PHACTR1: variants seen among roughly 807,000 people sequenced by gnomAD.
PHACTR1 encodes phosphatase and actin regulator 1, also known as RPEL repeat containing 1.
PHACTR1 carries 16 observed loss-of-function variants against 69.2 expected under a neutral mutation model. The observed-to-expected ratio is 0.23, with a 90% confidence interval of 0.16 to 0.35. The LOEUF is 0.35. Among genes scored for constraint, PHACTR1 ranks in the 10% least tolerant of loss-of-function variants. The pLI, the probability that PHACTR1 is intolerant of heterozygous loss-of-function variation, is 1.00. For missense variants in PHACTR1, 510 were observed against 734.7 expected (o/e 0.69, Z 3.54); for synonymous variants, 312 against 284.5 (o/e 1.10, Z -0.97).
At chr6:13,089,924 C>T (rs1344713093) in intron 5 of PHACTR1, among the ~76,000 whole-genome samples, 1 of 152,174 alleles carries the variant, frequency 6.6e-6, no homozygotes, top group Admixed American at 6.5e-5. Context: ...AATAAATTTC[C>T]TGAAATGAAT....
intron 3 of PHACTR1, among the ~76,000 whole-genome samples, chr6:12,743,158 C>T (rs1302539426): frequency 8.2e-6 from 1 of 122,300 alleles, no homozygotes; most frequent in Non-Finnish European, 1.7e-5. Context: ...TGTTAGTTCA[C>T]AAGAATAAGC....
chr6:13,196,771 A>G (rs910109263), intron 7 of PHACTR1, among the ~76,000 whole-genome samples: 1 of 152,018 alleles, frequency 6.6e-6, no homozygotes, highest in Non-Finnish European at 1.5e-5. Flanking sequence ...AGAACAATAC[A>G]CTGAAACCTA....
At chr6:12,804,436 A>G (rs1774064191) in intron 4 of PHACTR1, among the ~76,000 whole-genome samples, 2 of 152,218 alleles carry the variant, frequency 1.3e-5, no homozygotes. Context: ...GGGCTTAACC[A>G]CCTGAAAAGG....
At chr6:13,216,027 A>G (rs1166408419) in intron 8 of PHACTR1, among the ~76,000 whole-genome samples, 1 of 152,232 alleles carries the variant, frequency 6.6e-6, no homozygotes. Context: ...ATTATTTCTT[A>G]TAATGTCCCC....
chr6:13,015,252 A>G (rs540202171), intron 4 of PHACTR1, among the ~76,000 whole-genome samples: 3 of 152,328 alleles, frequency 2.0e-5, no homozygotes, highest in African/African-American at 7.2e-5. Flanking sequence ...GAGTCCTGCT[A>G]GCGTCATTAT....
At chr6:13,037,546 G>A (rs545690002) in intron 4 of PHACTR1, among the ~76,000 whole-genome samples, 7 of 152,316 alleles carry the variant, frequency 4.6e-5, no homozygotes, top group Admixed American at 2.6e-4. Context: ...CAGGCAGACC[G>A]AATGGCCTTG....
intron 3 of PHACTR1, among the ~76,000 whole-genome samples, chr6:12,732,653 A>G (rs996948794): frequency 6.6e-6 from 1 of 152,032 alleles, no homozygotes; most frequent in East Asian, 1.9e-4. Flanking sequence ...AAAGGACATG[A>G]TATCATTCCT....
intron 5 of PHACTR1, 23 bp from the exon 6 acceptor site, chr6:13,160,181 C>A (rs760089385): frequency 7.5e-6 from 12 of 1,605,562 alleles, no homozygotes; most frequent in Middle Eastern, 3.3e-4. Flanking sequence ...ACATCTGCCT[C>A]CCTGTTTGTC....
chr6:12,773,523 GT>G lies in PHACTR1; in HGVS notation c.250+23737del, dbSNP rs906854257. 5.3e-5 allele frequency among the ~76,000 whole-genome samples: 8 copies of G among 152,038 alleles called. No individual in the cohort carries two copies. The East Asian group carries it at 1.5e-3, about 29-fold the overall frequency. On this transcript the variant is annotated intron_variant, in intron 4 of 14. Coordinates refer to ENST00000332995, the MANE Select transcript of PHACTR1 (RefSeq NM_030948.6). ...GCAATTTTGCTTATTCTGTTACTTAGTTTTAAGTCATACTTGAAAAACACAC... is the reference window on the plus strand; with the variant it reads ...GCAATTTTGCTTATTCTGTTACTTAGTTTAAGTCATACTTGAAAAACACAC...
chr6:12,765,366 A>G (rs1392913220), intron 4 of PHACTR1, among the ~76,000 whole-genome samples: 1 of 152,214 alleles, frequency 6.6e-6, no homozygotes, highest in Non-Finnish European at 1.5e-5. Flanking sequence ...GAGGCAAGGG[A>G]CAACATCTGC....
intron 4 of PHACTR1, among the ~76,000 whole-genome samples, chr6:12,856,701 C>T (rs1488466350): frequency 6.6e-6 from 1 of 152,224 alleles, no homozygotes; most frequent in Non-Finnish European, 1.5e-5. Flanking sequence ...AGCCCTAAGG[C>T]TTTCAAGATC....
At chr6:13,221,339 T>C (rs1269715942) in intron 8 of PHACTR1, among the ~76,000 whole-genome samples, 1 of 147,258 alleles carries the variant, frequency 6.8e-6, no homozygotes, top group Non-Finnish European at 1.5e-5. Flanking sequence ...GTGGAGTTGA[T>C]CCAGTTTACA....
At chr6:12,967,169 C>A (rs1038896765) in intron 4 of PHACTR1, among the ~76,000 whole-genome samples, 4 of 152,160 alleles carry the variant, frequency 2.6e-5, no homozygotes, top group Non-Finnish European at 4.4e-5. Flanking sequence ...CCAAATACAG[C>A]AAATGTTTCA....
rs747937897 is a variant in PHACTR1, at chr6:13,025,671, T to TTGTGTGTGTATG, written c.251-27685_251-27684insATGTGTGTGTGT. On this transcript the variant is annotated intron_variant, in intron 4 of 14. Coordinates refer to ENST00000332995, the MANE Select transcript of PHACTR1 (RefSeq NM_030948.6). Reference sequence around the variant, plus strand: ...CATAACCAGATAAGTCATATATTATTTGTGTGTGTGTGTGTGTGTGTGTGT... The same window carrying TTGTGTGTGTATG: ...CATAACCAGATAAGTCATATATTATTTGTGTGTGTATGTGTGTGTGTGTGTGTGTGTGTGTGT... Among the ~76,000 whole-genome samples the TTGTGTGTGTATG allele has an allele frequency of 7.0e-3, 986 of 140,304 alleles. 11 individuals are homozygous for TTGTGTGTGTATG. Among genetic ancestry groups the TTGTGTGTGTATG allele is most frequent in the African/African-American group, 0.026 (946 of 36,856 alleles). The allele number at this position is 140,304 out of a possible 152,430, so 92.0% of individuals were successfully genotyped here.
At chr6:12,814,006 C>T (rs1047861569) in intron 4 of PHACTR1, among the ~76,000 whole-genome samples, 2 of 152,216 alleles carry the variant, frequency 1.3e-5, no homozygotes, top group South Asian at 2.1e-4. Flanking sequence ...TTCTGAGCAC[C>T]GCTGTTCATT....
chr6:12,775,221 G>T (rs1288567967), intron 4 of PHACTR1, among the ~76,000 whole-genome samples: 1 of 152,082 alleles, frequency 6.6e-6, no homozygotes, highest in Non-Finnish European at 1.5e-5. Flanking sequence ...AAGTAAAGAG[G>T]TCCTTAATAC....
At chr6:13,193,758 T>G (rs909269708) in intron 7 of PHACTR1, among the ~76,000 whole-genome samples, 2 of 152,062 alleles carry the variant, frequency 1.3e-5, no homozygotes, top group Non-Finnish European at 2.9e-5. Flanking sequence ...TTGCATGTTT[T>G]GAGAGCAGAT....
At chr6:12,979,328 T>G (rs1437123983) in intron 4 of PHACTR1, among the ~76,000 whole-genome samples, 2 of 152,196 alleles carry the variant, frequency 1.3e-5, no homozygotes, top group African/African-American at 4.8e-5. Flanking sequence ...ATCCATTAGG[T>G]GCATCTCTAA....
chr6:13,133,130 C>A (rs1434164709), intron 5 of PHACTR1, among the ~76,000 whole-genome samples: 2 of 151,398 alleles, frequency 1.3e-5, no homozygotes, highest in Admixed American at 6.6e-5. Context: ...TTTCTTTGCT[C>A]CCCCGTAAGA....
Sources: gnomAD v4.1 joint callset for allele counts (sites outside exome capture counted in the v4.1 genomes callset) on GRCh38, gnomAD v4.1.1 for gene constraint, MANE v1.5 for transcripts, NCBI Gene and HGNC (gene_info 2026-07-23, HGNC 2026-07-21) for gene names.